The following ATP8B1 variants were observed in gnomAD, a reference collection of about 807,000 sequenced individuals.
The protein encoded by ATP8B1 is phospholipid-transporting ATPase IC.
Under a neutral mutation model 149.9 loss-of-function variants are expected in ATP8B1, and 80 were observed. The observed-to-expected ratio is 0.53, with a 90% confidence interval of 0.45 to 0.64. The LOEUF (loss-of-function observed/expected upper bound fraction) is 0.64. Among genes scored for constraint, ATP8B1 ranks in the 30% least tolerant of loss-of-function variants. The probability of loss-of-function intolerance (pLI) is 0.00; values close to 1 mark genes in which losing one functional copy is unlikely to be tolerated. For synonymous variants in ATP8B1, 536 were observed against 562.8 expected (o/e 0.95, Z 0.67); for missense variants, 1,247 against 1,552.6 (o/e 0.80, Z 3.31).
At chr18:57,751,468 G>T (rs553598446) in intron 1 of ATP8B1, among the ~76,000 whole-genome samples, 1 of 145,212 alleles carries the variant, frequency 6.9e-6, no homozygotes, top group African/African-American at 2.7e-5. Context: ...AAAAAAAAAA[G>T]GGAATTTATT....
At chr18:57,790,540 A>C (rs2080454650) in intron 1 of ATP8B1, among the ~76,000 whole-genome samples, 1 of 150,816 alleles carries the variant, frequency 6.6e-6, no homozygotes, top group Non-Finnish European at 1.5e-5. Context: ...GCTCTCACCC[A>C]CCCCAGGGCC....
intron 1 of ATP8B1, among the ~76,000 whole-genome samples, chr18:57,748,388 T>C (rs1025261437): frequency 1.5e-4 from 23 of 152,124 alleles, no homozygotes; most frequent in African/African-American, 5.6e-4. Flanking sequence ...TAGGAGAGAA[T>C]CCTGAAACAG....
intron 1 of ATP8B1, among the ~76,000 whole-genome samples, chr18:57,776,717 T>A (rs1344543163): frequency 6.6e-6 from 1 of 151,490 alleles, no homozygotes; most frequent in Non-Finnish European, 1.5e-5. Context: ...AAAAAAGCAA[T>A]TATTTTTCAC....
At chr18:57,796,395 C>T (rs1039342739) in intron 1 of ATP8B1, among the ~76,000 whole-genome samples, 1 of 152,056 alleles carries the variant, frequency 6.6e-6, no homozygotes, top group African/African-American at 2.4e-5. Flanking sequence ...CCTGTATTCC[C>T]AACTACTCGG....
intron 11 of ATP8B1, among the ~76,000 whole-genome samples, chr18:57,693,341 G>A (rs549205669): frequency 2.6e-5 from 4 of 152,274 alleles, no homozygotes; most frequent in African/African-American, 9.6e-5. Flanking sequence ...CGGCTTGCAA[G>A]GTTCGCCCTG....
intron 1 of ATP8B1, chr18:57,740,899 C>T (rs1157589677): frequency 6.6e-6 from 1 of 151,508 alleles, no homozygotes. Flanking sequence ...TCTTCTTCTT[C>T]ATTTTCTTTT....
At chr18:57,732,191 A>ATATATGTG (rs2079781447) in intron 1 of ATP8B1, among the ~76,000 whole-genome samples, 5 of 102,024 alleles carry the variant, frequency 4.9e-5, no homozygotes, top group African/African-American at 2.0e-4. Context: ...GTATATATGT[A>ATATATGTG]TATATGTGTA....
intron 12 of ATP8B1, among the ~76,000 whole-genome samples, chr18:57,690,824 A>G (rs912554999): frequency 1.3e-5 from 2 of 152,204 alleles, no homozygotes; most frequent in African/African-American, 4.8e-5. Flanking sequence ...CCAAAGCACT[A>G]TCCCTCCCAA....
rs1386809611 is a variant in ATP8B1, at chr18:57,648,487, A to T, written c.*1T>A. 6.2e-7 allele frequency: 1 copy of T among 1,611,132 alleles called. No individual in the cohort carries two copies. Among genetic ancestry groups the T allele is most frequent in the Non-Finnish European group, 8.5e-7 (1 of 1,179,968 alleles). On this transcript the variant is annotated 3_prime_UTR_variant, in exon 28 of 28. Coordinates refer to ENST00000648908, the MANE Select transcript of ATP8B1 (RefSeq NM_001374385.1). Reference sequence around the variant, plus strand: ...CCGCATCCCAGCCTGGGGGTAAGGGATCAGCTGTCCCCGGTGCGCCTGTAC... The same window carrying T: ...CCGCATCCCAGCCTGGGGGTAAGGGTTCAGCTGTCCCCGGTGCGCCTGTAC...
At chr18:57,751,160 C>A (rs915251409) in intron 1 of ATP8B1, among the ~76,000 whole-genome samples, 3 of 151,938 alleles carry the variant, frequency 2.0e-5, no homozygotes, top group Non-Finnish European at 2.9e-5. Flanking sequence ...CTTATCAATG[C>A]TTGTTATGGC....
intron 1 of ATP8B1, among the ~76,000 whole-genome samples, chr18:57,767,036 C>T (rs1427757738): frequency 6.6e-6 from 1 of 152,010 alleles, no homozygotes; most frequent in Non-Finnish European, 1.5e-5. Flanking sequence ...ATGTCATGGG[C>T]AGTCAGAGAG....
chr18:57,748,847 T>C (rs1428236754), intron 1 of ATP8B1, among the ~76,000 whole-genome samples: 1 of 152,208 alleles, frequency 6.6e-6, no homozygotes, highest in Non-Finnish European at 1.5e-5. Context: ...GGTTTAACAG[T>C]TATTTGCAGA....
intron 15 of ATP8B1, among the ~76,000 whole-genome samples, chr18:57,680,376 G>A (rs897160990): frequency 3.3e-5 from 5 of 149,698 alleles, no homozygotes; most frequent in African/African-American, 7.4e-5. Context: ...ACTTGAGGTC[G>A]GGAGTTTAAG....
At chr18:57,674,386 CT>C (rs36078409) in intron 16 of ATP8B1, among the ~76,000 whole-genome samples, 5 of 128,370 alleles carry the variant, frequency 3.9e-5, no homozygotes, top group African/African-American at 8.7e-5. Flanking sequence ...ATACCAGTTT[CT>C]TTTTTTTTTT....
intron 1 of ATP8B1, among the ~76,000 whole-genome samples, chr18:57,744,218 G>A (rs2079943629): frequency 1.3e-5 from 2 of 150,614 alleles, no homozygotes; most frequent in Admixed American, 6.7e-5. Context: ...GGGAGGCTGA[G>A]GCAGGAGAAT....
intron 1 of ATP8B1, among the ~76,000 whole-genome samples, chr18:57,785,806 G>A (rs551740428): frequency 5.9e-4 from 90 of 152,202 alleles, no homozygotes; most frequent in African/African-American, 2.1e-3. Flanking sequence ...GTACCTGGCC[G>A]TAAGTATCTA....
At chr18:57,664,305 G>A (rs938234144) in intron 20 of ATP8B1, among the ~76,000 whole-genome samples, 3 of 151,340 alleles carry the variant, frequency 2.0e-5, no homozygotes, top group Non-Finnish European at 4.4e-5. Context: ...TCAGGAGTTC[G>A]CAGCCAGACT....
intron 4 of ATP8B1, among the ~76,000 whole-genome samples, chr18:57,703,023 T>C (rs550589880): frequency 6.6e-6 from 1 of 152,290 alleles, no homozygotes; most frequent in East Asian, 1.9e-4. Context: ...GAGTTTGCAG[T>C]GCTAACCTCT....
At chr18:57,776,699 A>G (rs1440059201) in intron 1 of ATP8B1, among the ~76,000 whole-genome samples, 1 of 152,046 alleles carries the variant, frequency 6.6e-6, no homozygotes. Context: ...AAAAAAAAAA[A>G]AAGAAAGAAA....
Sources: allele counts gnomAD v4.1 joint callset (sites outside exome capture counted in the v4.1 genomes callset), GRCh38; gene constraint gnomAD v4.1.1; transcripts MANE v1.5; gene names NCBI Gene and HGNC (gene_info 2026-07-23, HGNC 2026-07-21).